The following CCDC88A variants were observed in gnomAD, a reference collection of about 807,000 sequenced individuals.
CCDC88A encodes the protein coiled-coil and HOOK domain protein 88A.
A neutral mutation model predicts 234.3 loss-of-function variants in CCDC88A; 54 were observed. The ratio of observed to expected loss-of-function variants is 0.23; its 90% confidence interval spans 0.19 to 0.29. The LOEUF (loss-of-function observed/expected upper bound fraction) is 0.29. Ranked by LOEUF, CCDC88A falls within the 10% of genes least tolerant of loss-of-function variation. The pLI, the probability that CCDC88A is intolerant of heterozygous loss-of-function variation, is 1.00. For synonymous variants in CCDC88A, 753 were observed against 737.8 expected, an observed-to-expected ratio of 1.02 and a Z score of -0.33; for missense variants, 1,832 against 2,123.4, an observed-to-expected ratio of 0.86 and a Z score of 2.70.
chr2:55,303,086 C>T lies in CCDC88A; in HGVS notation c.4454G>A (p.Cys1485Tyr). Residue 1485 changes from cysteine to tyrosine, a missense_variant, in exon 26 of 33, where the codon TGC becomes TAC. This residue lies in a region of CCDC88A where 1,282 missense variants were observed against 1,543.6 expected (regional missense o/e 0.83). Transcript: ENST00000436346. ...AGTCTTACACATGGAACGACGGTAG[C>T]AGGCCTTCATTTTGTCTTTATCCTT... ...RPKDKDKMKACYRRSMSMNDL... is the reference protein window; with the variant it reads ...RPKDKDKMKAYYRRSMSMNDL... 6.4e-7 allele frequency: 1 copy of T among 1,550,504 alleles called. No individual in the cohort carries two copies. Among genetic ancestry groups the T allele is most frequent in the Non-Finnish European group, 8.7e-7 (1 of 1,145,722 alleles).
intron 25 of CCDC88A, 30 bp from the exon 26 acceptor site, chr2:55,303,182 A>G (rs1419677313): frequency 1.5e-6 from 2 of 1,340,040 alleles, no homozygotes; most frequent in Admixed American, 3.9e-5. Context: ...GGAAAAACAG[A>G]AACAGGGAGA....
chr2:55,328,294 T>A lies in CCDC88A; in HGVS notation c.2997A>T (p.Thr999=). The A allele has an allele frequency of 1.3e-6, 2 of 1,573,544 alleles. No individual in the cohort carries two copies. The highest frequency in any genetic ancestry group is 4.6e-5 in the East Asian group (2 of 43,504). ...YNQQLRQELK[T]VKKNYEALKQ... ...AATTCTTTCCAAGAAAATCACTTACTGTTTTAAGTTCTTGGCGCAATTGCT... is the reference window on the plus strand; with the variant it reads ...AATTCTTTCCAAGAAAATCACTTACAGTTTTAAGTTCTTGGCGCAATTGCT... The change falls in exon 17 of 33, where the codon ACA becomes ACT. Residue 999 remains threonine, a splice_region_variant and synonymous_variant. Coordinates refer to ENST00000436346, the MANE Select transcript of CCDC88A (RefSeq NM_001365480.1). The surrounding 1 kb of genome is among the most constrained non-coding windows in gnomAD (Gnocchi z 4.3).
intron 12 of CCDC88A, 124 bp from the exon 13 acceptor site, chr2:55,339,772 T>G (rs1390001155): frequency 1.5e-6 from 1 of 646,300 alleles, no homozygotes; most frequent in African/African-American, 1.9e-5. Flanking sequence ...TTATTAAAAA[T>G]TCAATGAGGT....
intron 3 of CCDC88A, among the ~76,000 whole-genome samples, 195 bp from the exon 4 acceptor site, chr2:55,375,078 T>C (rs186229829): frequency 6.6e-6 from 1 of 152,174 alleles, no homozygotes; most frequent in Non-Finnish European, 1.5e-5. Flanking sequence ...TAATACCAGA[T>C]AGACTTCAGT....
chr2:55,411,920 A>G lies in CCDC88A; in HGVS notation c.164+6896T>C, dbSNP rs75090895. Among the ~76,000 whole-genome samples the G allele has an allele frequency of 2.6e-5, 4 of 152,270 alleles. No homozygotes were observed. In the East Asian group the frequency reaches 7.7e-4, roughly 29 times the overall value. On this transcript the variant is annotated intron_variant, in intron 2 of 32. Coordinates refer to ENST00000436346, the MANE Select transcript of CCDC88A (RefSeq NM_001365480.1). ...CTCCTATCACCTTGCCTCAAAGGAG[A>G]TATAACATCGGTGGGAAAAATATCC... is the stretch of plus-strand genomic sequence containing the variant.
At chr2:55,312,734 C>T (rs1682482110) in intron 22 of CCDC88A, 155 bp from the exon 23 acceptor site, 1 of 564,528 alleles carries the variant, frequency 1.8e-6, no homozygotes, top group Non-Finnish European at 3.1e-6. Context: ...TTAGTGATGA[C>T]ACCTACAGCA....
chr2:55,328,372 T>C lies in CCDC88A; in HGVS notation c.2919A>G (p.Glu973=). ...STLKKSLEIK[E]EKIAALEARL... ...GAGCTTCTAAAGCAGCAATTTTTTCTTCTTTTATTTCAAGAGACTTCTTAA... is the reference window on the plus strand; with the variant it reads ...GAGCTTCTAAAGCAGCAATTTTTTCCTCTTTTATTTCAAGAGACTTCTTAA... The change falls in exon 17 of 33, where the codon GAA becomes GAG. Residue 973 remains glutamate (E), a synonymous_variant. Transcript: ENST00000436346. This position sits in a 1 kb window ranked among gnomAD's most constrained non-coding sequence, Gnocchi z 4.3. The C allele has an allele frequency of 6.3e-7, 1 of 1,599,986 alleles. No homozygotes were observed. Among genetic ancestry groups the C allele is most frequent in the Non-Finnish European group, 8.5e-7 (1 of 1,172,884 alleles).
At chr2:55,418,938 C>G in intron 1 of CCDC88A, 22 bp from the exon 2 acceptor site, 1 of 1,607,870 alleles carries the variant, frequency 6.2e-7, no homozygotes, top group Non-Finnish European at 8.5e-7. Context: ...AGAAGGATCA[C>G]CACGACATGA....
chr2:55,360,133 C>G (rs561014533), intron 7 of CCDC88A, among the ~76,000 whole-genome samples: 2 of 152,160 alleles, frequency 1.3e-5, no homozygotes, highest in South Asian at 4.1e-4. Flanking sequence ...ATAAAGAGAT[C>G]TTAAATTCAT....
At position 55,328,536 on chromosome 2, in the gene CCDC88A, T is replaced by C; in HGVS notation, c.2856-101A>G. The C allele has an allele frequency of 2.6e-6, 2 of 775,832 alleles. No individual in the cohort carries two copies. Among genetic ancestry groups the C allele is most frequent in the Non-Finnish European group, 3.8e-6 (2 of 524,038 alleles). The allele number at this position is 775,832 out of a possible 1,614,324, so 48.1% of individuals were successfully genotyped here. On this transcript the variant is annotated intron_variant, in intron 16 of 32. Transcript: ENST00000436346. This position sits in a 1 kb window ranked among gnomAD's most constrained non-coding sequence, Gnocchi z 4.3. ...ATATTCATGCCATAAATGGGTCTTA[T>C]AAAAGCATTTTTGTTAAAGAGGCAA... is the stretch of plus-strand genomic sequence containing the variant.
chr2:55,376,123 C>T (rs922584504), intron 3 of CCDC88A, among the ~76,000 whole-genome samples: 15 of 152,136 alleles, frequency 9.9e-5, no homozygotes, highest in African/African-American at 3.4e-4. Flanking sequence ...GTTTATACCA[C>T]CTCTTCTTTG....
chr2:55,383,248 A>T lies in CCDC88A; in HGVS notation c.273+5530T>A, dbSNP rs12992668. ...TGATGCTTACCAACCTATCAAAAAA[A>T]TTTTTTGGGAAACATACACTTTTGA... On this transcript the variant is annotated intron_variant, in intron 3 of 32. Transcript: ENST00000436346. Among the ~76,000 whole-genome samples the T allele has an allele frequency of 3.3e-5, 5 of 152,164 alleles. No homozygotes were observed. The South Asian group carries it at 6.2e-4, about 19-fold the overall frequency.
intron 17 of CCDC88A, chr2:55,323,755 A>C (rs1349878000): frequency 1.3e-5 from 2 of 152,192 alleles, no homozygotes; most frequent in Admixed American, 1.3e-4. Context: ...TCTGTCACCC[A>C]GGCTGGAGTG....
Position 55,334,466 on chromosome 2 carries a change from T to TTCACTC in CCDC88A, c.2349_2354dup (p.Ser784_Glu785dup). Reference sequence around the variant, plus strand: ...GATTTTCCATCTCTAAGTCTTGTAGTTCACTCTCTAATTGCTGGATTTTTT... The same window carrying TTCACTC: ...GATTTTCCATCTCTAAGTCTTGTAGTTCACTCTCACTCTCTAATTGCTGGATTTTTT... On this transcript the variant is annotated inframe_insertion, in exon 15 of 33. Transcript: ENST00000436346. The surrounding 1 kb of genome is among the most constrained non-coding windows in gnomAD (Gnocchi z 6.1). 6.2e-7 allele frequency: 1 copy of TTCACTC among 1,600,680 alleles called. No individual in the cohort carries two copies. Among genetic ancestry groups the TTCACTC allele is most frequent in the Non-Finnish European group, 8.5e-7 (1 of 1,176,042 alleles).
chr2:55,385,925 C>T (rs1410095953), intron 3 of CCDC88A, among the ~76,000 whole-genome samples: 1 of 135,702 alleles, frequency 7.4e-6, no homozygotes. Flanking sequence ...TTCTCCAGAG[C>T]AAAAAGAATC....
intron 3 of CCDC88A, among the ~76,000 whole-genome samples, chr2:55,384,546 T>C (rs1174057463): frequency 1.3e-5 from 1 of 74,944 alleles, no homozygotes; most frequent in South Asian, 3.9e-4. Flanking sequence ...TATACGTATA[T>C]ATGTGTATAT....
intron 9 of CCDC88A, among the ~76,000 whole-genome samples, chr2:55,347,759 G>A (rs966339265): frequency 6.6e-6 from 1 of 151,412 alleles, no homozygotes; most frequent in Non-Finnish European, 1.5e-5. Context: ...TTACAGGTGT[G>A]CACCACCACA....
rs1679228454 is a variant in CCDC88A, at chr2:55,288,675, T to A, written c.*2525A>T. 1 of 152,590 alleles carries A rather than the reference T, an allele frequency of 6.6e-6. No homozygotes were observed. The allele number at this position is 152,590 out of a possible 1,614,324, so 9.5% of individuals were successfully genotyped here. ...ATGAAAGCATTTCCACATGGACAGATCTGAAGCACATTATTGGAGCTCTGA... is the reference window on the plus strand; with the variant it reads ...ATGAAAGCATTTCCACATGGACAGAACTGAAGCACATTATTGGAGCTCTGA... On this transcript the variant is annotated 3_prime_UTR_variant, in exon 33 of 33. Transcript: ENST00000436346.
chr2:55,339,799 G>T, intron 12 of CCDC88A, 151 bp from the exon 13 acceptor site: 1 of 544,354 alleles, frequency 1.8e-6, no homozygotes, highest in Non-Finnish European at 3.0e-6. Context: ...AGATAAACAA[G>T]ATAAAAGAAG....
Sources: gnomAD v4.1 joint callset for allele counts (sites outside exome capture counted in the v4.1 genomes callset) on GRCh38, gnomAD v4.1.1 for gene constraint, gnomAD v4.1.1 regional missense constraint, Gnocchi (gnomAD v3.1) non-coding constraint, MANE v1.5 for transcripts, NCBI Gene and HGNC (gene_info 2026-07-23, HGNC 2026-07-21) for gene names.